The following VAV3 variants were observed in gnomAD, a reference collection of about 807,000 sequenced individuals.
VAV3 encodes guanine nucleotide exchange factor VAV3.
In VAV3, 94 loss-of-function variants were observed where a neutral mutation model predicts 131.2. The ratio of observed to expected loss-of-function variants is 0.72; its 90% CI spans 0.61 to 0.85. The LOEUF is 0.85. VAV3 is among the 40% of genes least tolerant of loss of function. VAV3 has a pLI of 0.00. For synonymous variants in VAV3, 349 were observed against 342.0 expected (o/e 1.02, Z -0.22); for missense variants, 939 against 1,002.7 (o/e 0.94, Z 0.86).
intron 17 of VAV3, among the ~76,000 whole-genome samples, chr1:107,700,361 A>G (rs1383606650): frequency 6.6e-6 from 1 of 152,178 alleles, no homozygotes; most frequent in African/African-American, 2.4e-5. Context: ...TACATAGGTA[A>G]ACGCGTGCCA....
intron 15 of VAV3, among the ~76,000 whole-genome samples, chr1:107,728,600 CGTATATGTATATGTATATGTATAT>C (rs55725323): frequency 0.18 from 24,819 of 136,932 alleles, 2,515 homozygotes; most frequent in East Asian, 0.36. Flanking sequence ...TATACGTATA[CGTATATGTATATGTATATGTATAT>C]GTATATGTAT....
intron 19 of VAV3, among the ~76,000 whole-genome samples, chr1:107,655,286 A>G (rs1290861859): frequency 6.6e-6 from 1 of 152,150 alleles, no homozygotes; most frequent in East Asian, 1.9e-4. Flanking sequence ...ACATAGACCA[A>G]TGGAACAGAT....
At chr1:107,933,934 C>T (rs1557932953) in intron 1 of VAV3, among the ~76,000 whole-genome samples, 1 of 151,942 alleles carries the variant, frequency 6.6e-6, no homozygotes, top group African/African-American at 2.4e-5. Context: ...GTTACAGTTT[C>T]TTCTTTGGCC....
Position 107,571,216 on chromosome 1 carries a change from A to T in VAV3, c.*2115T>A, listed in dbSNP as rs924934096. On this transcript the variant is annotated 3_prime_UTR_variant, in exon 27 of 27. Transcript: ENST00000370056. ...TATTTACAAAATAATACAAAGTGAA[A>T]TACCACTCTAATTCACCGTATTACA... is the stretch of plus-strand genomic sequence containing the variant. 4 of 152,712 alleles carry T rather than the reference A, an allele frequency of 2.6e-5. No homozygotes were observed. Among genetic ancestry groups the T allele is most frequent in the Non-Finnish European group, 5.9e-5 (4 of 68,050 alleles). 9.5% of individuals were successfully genotyped at this position (152,712 alleles called of 1,614,324 possible).
intron 1 of VAV3, among the ~76,000 whole-genome samples, chr1:107,941,882 A>G (rs1355879257): frequency 2.0e-5 from 3 of 152,198 alleles, no homozygotes; most frequent in African/African-American, 7.2e-5. Context: ...ACCAAAAAAA[A>G]TGCATTATTT....
At chr1:107,718,767 G>C (rs1661290902) in intron 15 of VAV3, among the ~76,000 whole-genome samples, 1 of 152,098 alleles carries the variant, frequency 6.6e-6, no homozygotes, top group African/African-American at 2.4e-5. Flanking sequence ...TAAACAAAAA[G>C]AACAAATCTG....
At chr1:107,790,739 G>GTACA (rs1435624768) in intron 2 of VAV3, among the ~76,000 whole-genome samples, 4 of 130,914 alleles carry the variant, frequency 3.1e-5, no homozygotes, top group Admixed American at 8.9e-5. Context: ...CAAGGCTGGA[G>GTACA]TACAGTTGCA....
intron 1 of VAV3, among the ~76,000 whole-genome samples, chr1:107,917,481 C>T (rs2101138472): frequency 6.6e-6 from 1 of 152,258 alleles, no homozygotes; most frequent in Non-Finnish European, 1.5e-5. Context: ...AGATCTGACC[C>T]ACCATACTCC....
intron 9 of VAV3, among the ~76,000 whole-genome samples, chr1:107,762,832 G>A (rs963928045): frequency 4.6e-5 from 7 of 152,138 alleles, no homozygotes; most frequent in Non-Finnish European, 7.3e-5. Context: ...ATGCTTATTC[G>A]TGTTGAAAGT....
At chr1:107,908,640 A>G (rs976027959) in intron 1 of VAV3, among the ~76,000 whole-genome samples, 1 of 152,144 alleles carries the variant, frequency 6.6e-6, no homozygotes, top group African/African-American at 2.4e-5. Flanking sequence ...TAAATTATGC[A>G]TACTTTTCTT....
At chr1:107,616,918 A>G (rs981981000) in intron 21 of VAV3, among the ~76,000 whole-genome samples, 1 of 152,184 alleles carries the variant, frequency 6.6e-6, no homozygotes, top group East Asian at 1.9e-4. Flanking sequence ...AACGTCACCC[A>G]TAATACCATA....
chr1:107,759,487 A>G (rs1215952816), intron 10 of VAV3, among the ~76,000 whole-genome samples: 1 of 152,178 alleles, frequency 6.6e-6, no homozygotes, highest in Non-Finnish European at 1.5e-5. Context: ...GTCTAAACTG[A>G]TAACCACATT....
At chr1:107,927,331 G>C (rs1673203349) in intron 1 of VAV3, among the ~76,000 whole-genome samples, 1 of 152,184 alleles carries the variant, frequency 6.6e-6, no homozygotes, top group South Asian at 2.1e-4. Flanking sequence ...ATCAGACTCT[G>C]AGACTTGCTA....
chr1:107,661,155 TATA>T (rs1429573153), intron 19 of VAV3, among the ~76,000 whole-genome samples: 1 of 152,166 alleles, frequency 6.6e-6, no homozygotes, highest in Non-Finnish European at 1.5e-5. Flanking sequence ...TAGTTAACTT[TATA>T]ATATTATTTA....
Position 107,766,566 on chromosome 1 carries a change from A to G in VAV3, c.718-16T>C. On this transcript the variant is annotated splice_polypyrimidine_tract_variant and intron_variant, in intron 7 of 26. Coordinates refer to ENST00000370056, the MANE Select transcript of VAV3 (RefSeq NM_006113.5). ...TTACAAGTTCCTAAGAAAAGAAAAC[A>G]ATGTGAAAGGAAAGTAGGAATAACA... 2 of 1,600,916 alleles carry G rather than the reference A, an allele frequency of 1.2e-6. No individual in the cohort carries two copies. Among genetic ancestry groups the G allele is most frequent in the Non-Finnish European group, 1.7e-6 (2 of 1,169,826 alleles).
intron 24 of VAV3, among the ~76,000 whole-genome samples, chr1:107,600,234 C>A (rs1570589172): frequency 6.6e-6 from 1 of 152,156 alleles, no homozygotes; most frequent in Non-Finnish European, 1.5e-5. Context: ...TGAACAGAAA[C>A]AAAATGGAGG....
chr1:107,667,481 G>C (rs1163545069), intron 19 of VAV3, among the ~76,000 whole-genome samples: 1 of 152,134 alleles, frequency 6.6e-6, no homozygotes, highest in Non-Finnish European at 1.5e-5. Context: ...GTCTCCATAT[G>C]TGCCTAGGAA....
chr1:107,732,707 G>A (rs539766507), intron 15 of VAV3, among the ~76,000 whole-genome samples: 5 of 152,272 alleles, frequency 3.3e-5, no homozygotes, highest in African/African-American at 7.2e-5. Context: ...CAAAGTGGCC[G>A]GGAAGCTCGA....
At chr1:107,837,928 A>G (rs1668545473) in intron 2 of VAV3, among the ~76,000 whole-genome samples, 1 of 152,200 alleles carries the variant, frequency 6.6e-6, no homozygotes, top group African/African-American at 2.4e-5. Flanking sequence ...CTCAAACTGT[A>G]AAAATCCTAG....
Sources: allele counts gnomAD v4.1 joint callset (sites outside exome capture counted in the v4.1 genomes callset), GRCh38; gene constraint gnomAD v4.1.1; transcripts MANE v1.5; gene names NCBI Gene and HGNC (gene_info 2026-07-23, HGNC 2026-07-21).